SLC12A2: variants seen among roughly 807,000 people sequenced by gnomAD.
SLC12A2 encodes the protein Na-K-2Cl cotransporter 1.
Under a neutral mutation model 136.3 loss-of-function variants are expected in SLC12A2, and 67 were observed. That is an observed-to-expected ratio of 0.49 (90% CI 0.40 to 0.60). The LOEUF (loss-of-function observed/expected upper bound fraction) is 0.60, where lower values mean the gene tolerates loss of function less well. Ranked by LOEUF, SLC12A2 falls within the 20% of genes least tolerant of loss-of-function variation. SLC12A2 has a pLI of 0.00. For synonymous variants in SLC12A2, 619 were observed against 562.9 expected (o/e 1.10, Z -1.41); for missense variants, 1,322 against 1,534.7 (o/e 0.86, Z 2.32).
At chr5:128,090,773 A>G (rs1760281713) in intron 1 of SLC12A2, among the ~76,000 whole-genome samples, 1 of 152,186 alleles carries the variant, frequency 6.6e-6, no homozygotes, top group Non-Finnish European at 1.5e-5. Context: ...AACAACAGAT[A>G]CCAAGACCCT....
intron 4 of SLC12A2, among the ~76,000 whole-genome samples, chr5:128,124,995 G>A (rs574466817): frequency 7.2e-5 from 11 of 152,274 alleles, no homozygotes; most frequent in African/African-American, 2.6e-4. Flanking sequence ...GGTTTTATAA[G>A]CTCTGTTGCA....
chr5:128,111,510 A>C (rs1561663294), intron 1 of SLC12A2, among the ~76,000 whole-genome samples: 1 of 152,152 alleles, frequency 6.6e-6, no homozygotes, highest in Non-Finnish European at 1.5e-5. Context: ...TCACACCTGT[A>C]ATCCTAGCAC....
rs576163484 is a variant in SLC12A2, at chr5:128,147,824, A to G, written c.1881+95A>G. ...TGCTATTTTCAAATTATTTGCTTCT[A>G]TCAACCATATATACATATATATGAT... On this transcript the variant is annotated intron_variant, in intron 11 of 26. Coordinates refer to ENST00000262461, the MANE Select transcript of SLC12A2 (RefSeq NM_001046.3). 2.8e-4 allele frequency: 197 copies of G among 705,704 alleles called. 2 individuals are homozygous for G. The highest frequency in any genetic ancestry group is 1.7e-3 in the African/African-American group (97 of 55,788). 43.7% of individuals were successfully genotyped at this position (705,704 alleles called of 1,614,324 possible). A position where few individuals can be genotyped will look rare whatever the true frequency, so the allele number is the denominator to read the frequency against.
intron 4 of SLC12A2, among the ~76,000 whole-genome samples, chr5:128,124,214 C>T (rs1761693448): frequency 6.6e-6 from 1 of 152,210 alleles, no homozygotes; most frequent in African/African-American, 2.4e-5. Flanking sequence ...TCTTGTTTTA[C>T]ACACTTCTGA....
intron 20 of SLC12A2, among the ~76,000 whole-genome samples, chr5:128,176,118 A>G (rs185899773): frequency 1.8e-3 from 281 of 152,172 alleles, no homozygotes; most frequent in African/African-American, 3.0e-3. Flanking sequence ...AGCTGTGTCT[A>G]TCTTGGTTAT....
chr5:128,113,976 A>G (rs903891589), intron 2 of SLC12A2, among the ~76,000 whole-genome samples: 1 of 152,142 alleles, frequency 6.6e-6, no homozygotes, highest in Non-Finnish European at 1.5e-5. Context: ...TGATGAGTGC[A>G]TTTATTTTCA....
chr5:128,099,907 G>A (rs1348874939), intron 1 of SLC12A2, among the ~76,000 whole-genome samples: 1 of 152,006 alleles, frequency 6.6e-6, no homozygotes, highest in Non-Finnish European at 1.5e-5. Context: ...ATCTGCCTGA[G>A]GCTGTTTTAC....
chr5:128,108,865 T>C lies in SLC12A2; in HGVS notation c.757-3949T>C, dbSNP rs536306117. Among the ~76,000 whole-genome samples, 11 of 152,322 alleles carry C rather than the reference T, an allele frequency of 7.2e-5. No individual in the cohort carries two copies. The South Asian group carries it at 2.3e-3, about 32-fold the overall frequency. On this transcript the variant is annotated intron_variant, in intron 1 of 26. Transcript: ENST00000262461. ...TAATTTTAAATTTTTATGGGGTTGG[T>C]TAGTTCCATTTTCCATAAGCCTGGG...
At chr5:128,125,624 T>G (rs1561672666) in intron 4 of SLC12A2, among the ~76,000 whole-genome samples, 1 of 152,214 alleles carries the variant, frequency 6.6e-6, no homozygotes, top group Non-Finnish European at 1.5e-5. Flanking sequence ...ATCATTTTCT[T>G]AATCATGTCT....
intron 15 of SLC12A2, 39 bp from the exon 16 acceptor site, chr5:128,158,014 A>C (rs759749308): frequency 6.4e-7 from 1 of 1,553,574 alleles, no homozygotes; most frequent in South Asian, 1.2e-5. Flanking sequence ...CAGAAACACA[A>C]ATTTATCTAA....
rs114752904 is a variant in SLC12A2 at position 128,184,801 on chromosome 5, A to G, written c.3448A>G (p.Ile1150Val). The G allele has an allele frequency of 1.9e-5, 30 of 1,609,904 alleles. No homozygotes were observed. In the African/African-American group the frequency reaches 3.7e-4, roughly 20 times the overall value. ...ELYKTKTYRQIRLNELLKEHS... is the reference protein window; with the variant it reads ...ELYKTKTYRQVRLNELLKEHS... ...TGTTTCATTTCAGACATACCGGCAG[A>G]TCAGGTTAAATGAGTTATTAAAGGA... The change falls in exon 26 of 27, where the codon ATC (isoleucine) becomes GTC (valine). Residue 1150 changes from isoleucine (I) to valine (V), a missense_variant. Transcript: ENST00000262461.
chr5:128,088,852 C>T (rs551008617), intron 1 of SLC12A2, among the ~76,000 whole-genome samples: 1 of 152,086 alleles, frequency 6.6e-6, no homozygotes, highest in Admixed American at 6.6e-5. Flanking sequence ...ACATTTTACT[C>T]AAGATGAAAT....
At chr5:128,176,465 T>C (rs1037310070) in intron 20 of SLC12A2, among the ~76,000 whole-genome samples, 1 of 151,926 alleles carries the variant, frequency 6.6e-6, no homozygotes, top group Non-Finnish European at 1.5e-5. Context: ...ATTAGGAAAA[T>C]TGTTAATGCC....
Position 128,184,414 on chromosome 5 carries a change from T to C in SLC12A2, c.3348T>C (p.Asp1116=). The C allele has an allele frequency of 6.2e-7, 1 of 1,600,600 alleles. No individual in the cohort carries two copies. The highest frequency in any genetic ancestry group is 2.2e-5 in the East Asian group (1 of 44,504). Residue 1116 remains aspartate, a synonymous_variant, in exon 25 of 27, where the codon GAT becomes GAC. Coordinates refer to ENST00000262461, the MANE Select transcript of SLC12A2 (RefSeq NM_001046.3). The stretch of plus-strand genomic sequence containing the variant: ...TTGAGCCATACAGACTTCATGAAGA[T>C]GATAAAGAGCAAGATATTGCAGATA... The part of the protein sequence containing the change: ...EIIEPYRLHE[D]DKEQDIADKM...
intron 1 of SLC12A2, among the ~76,000 whole-genome samples, chr5:128,093,006 A>G (rs1760393484): frequency 6.6e-6 from 1 of 152,120 alleles, no homozygotes; most frequent in African/African-American, 2.4e-5. Context: ...AGTATTGTTT[A>G]TAATTGCCGT....
In SLC12A2 at chr5:128,110,161, A is replaced by G. The variant is rs1046020208; in HGVS notation, c.757-2653A>G. 5 of 835,178 alleles carry G rather than the reference A, an allele frequency of 6.0e-6. No individual in the cohort carries two copies. In the African/African-American group the frequency reaches 8.1e-5, roughly 14 times the overall value. 51.7% of individuals were successfully genotyped at this position (835,178 alleles called of 1,614,324 possible). ...CTACTTTCTTTGACTAGAAAGGTGA[A>G]GATGCCAGATGTAGAGTTCTTTGTT... On this transcript the variant is annotated intron_variant, in intron 1 of 26. Coordinates refer to ENST00000262461, the MANE Select transcript of SLC12A2 (RefSeq NM_001046.3).
chr5:128,164,843 TTTTG>T (rs1413674372), intron 17 of SLC12A2, among the ~76,000 whole-genome samples: 9 of 146,828 alleles, frequency 6.1e-5, no homozygotes, highest in Non-Finnish European at 8.9e-5. Flanking sequence ...AACAAAACTG[TTTTG>T]TTTTTTTTTT....
rs1561712586 is a variant in SLC12A2, at chr5:128,187,378, C to T, written c.*747C>T. 6.6e-6 allele frequency: 1 copy of T among 152,150 alleles called. No individual in the cohort carries two copies. The highest frequency in any genetic ancestry group is 1.5e-5 in the Non-Finnish European group (1 of 67,976). The allele number at this position is 152,150 out of a possible 1,614,324, so 9.4% of individuals were successfully genotyped here. A position where few individuals can be genotyped will look rare whatever the true frequency, so the allele number is the denominator to read the frequency against. On this transcript the variant is annotated 3_prime_UTR_variant, in exon 27 of 27. Transcript: ENST00000262461. Reference sequence around the variant, plus strand: ...GGGAAGATTGAAGATTCATCCCATACTTCTATATACCATGCTTAAAAATCA... The same window carrying T: ...GGGAAGATTGAAGATTCATCCCATATTTCTATATACCATGCTTAAAAATCA...
chr5:128,084,836 T>C lies in SLC12A2; in HGVS notation c.756+126T>C. On this transcript the variant is annotated intron_variant, in intron 1 of 26. Coordinates refer to ENST00000262461, the MANE Select transcript of SLC12A2 (RefSeq NM_001046.3). This position sits in a 1 kb window ranked among gnomAD's most constrained non-coding sequence, Gnocchi z 5.6. ...GACGTGCACGACTTGCTGGCATCTC[T>C]GGATTCAGCTGTCAAGGGTGGAATT... is the stretch of plus-strand genomic sequence containing the variant. 1 of 1,057,060 alleles carries C rather than the reference T, an allele frequency of 9.5e-7. No homozygotes were observed. The highest frequency in any genetic ancestry group is 1.3e-6 in the Non-Finnish European group (1 of 753,620). 65.5% of individuals were successfully genotyped at this position (1,057,060 alleles called of 1,614,324 possible).
Sources: allele counts gnomAD v4.1 joint callset (sites outside exome capture counted in the v4.1 genomes callset), GRCh38; gene constraint gnomAD v4.1.1; non-coding constraint Gnocchi (gnomAD v3.1); transcripts MANE v1.5; gene names NCBI Gene and HGNC (gene_info 2026-07-23, HGNC 2026-07-21).